The following LRRCC1 variants were observed in gnomAD, a reference collection of about 807,000 sequenced individuals.
The protein encoded by LRRCC1 is leucine-rich repeat and coiled-coil domain-containing protein 1.
Under a neutral mutation model 126.0 loss-of-function variants are expected in LRRCC1, and 115 were observed. The observed-to-expected ratio is 0.91, with a 90% CI of 0.78 to 1.07. The LOEUF (loss-of-function observed/expected upper bound fraction) is 1.07. Among genes scored for constraint, LRRCC1 ranks in the 50% least tolerant of loss-of-function variants. LRRCC1 has a pLI of 0.00. For missense variants in LRRCC1, 1,172 were observed against 1,175.7 expected, an observed-to-expected ratio of 1.00 and a Z score of 0.05; for synonymous variants, 400 against 393.4, an observed-to-expected ratio of 1.02 and a Z score of -0.20.
chr8:85,134,062 T>C (rs1262972973), intron 12 of LRRCC1, among the ~76,000 whole-genome samples: 1 of 152,174 alleles, frequency 6.6e-6, no homozygotes, highest in Non-Finnish European at 1.5e-5. Context: ...AGAACACTCC[T>C]TTCCCACACA....
chr8:85,137,564 T>C lies in LRRCC1; in HGVS notation c.2430T>C (p.Asp810=). The change falls in exon 15 of 19, where the codon GAT becomes GAC. Residue 810 remains aspartate, a synonymous_variant. Coordinates refer to ENST00000360375, the MANE Select transcript of LRRCC1 (RefSeq NM_033402.5). The stretch of plus-strand genomic sequence containing the variant: ...GAAAGACAAATGAAAGTGATAGTGA[T>C]GCATTAAGAATAAAGTGCAAAATCA... ...CLRKTNESDS[D]ALRIKCKIID... is the part of the protein sequence containing the mutation. The C allele has an allele frequency of 6.4e-7, 1 of 1,551,760 alleles. No individual in the cohort carries two copies. The highest frequency in any genetic ancestry group is 8.7e-7 in the Non-Finnish European group (1 of 1,153,704).
intron 10 of LRRCC1, 152 bp downstream of exon 10, chr8:85,129,531 T>G: frequency 1.5e-6 from 1 of 661,664 alleles, no homozygotes. Context: ...CATAGCCTGT[T>G]GAATTATGTC....
intron 9 of LRRCC1, among the ~76,000 whole-genome samples, chr8:85,127,482 C>T (rs1302180924): frequency 1.3e-5 from 2 of 152,108 alleles, no homozygotes; most frequent in Non-Finnish European, 2.9e-5. Flanking sequence ...GTTTCTTACC[C>T]TTGAATGAGC....
intron 14 of LRRCC1, among the ~76,000 whole-genome samples, chr8:85,136,400 G>C (rs1331845231): frequency 6.6e-6 from 1 of 151,532 alleles, no homozygotes; most frequent in Non-Finnish European, 1.5e-5. Flanking sequence ...TCAGCCTCCC[G>C]AGTAGCTGGG....
chr8:85,120,991 G>A (rs1809509826), intron 6 of LRRCC1, among the ~76,000 whole-genome samples: 2 of 152,170 alleles, frequency 1.3e-5, no homozygotes, highest in East Asian at 3.8e-4. Flanking sequence ...TGGGTCATAT[G>A]TTTAACCTTT....
chr8:85,116,011 C>T (rs1809096509), intron 6 of LRRCC1, among the ~76,000 whole-genome samples: 1 of 152,206 alleles, frequency 6.6e-6, no homozygotes, highest in Non-Finnish European at 1.5e-5. Context: ...GGTTAATTTA[C>T]ATAGTTCCTG....
At chr8:85,130,873 G>C (rs1000463449) in intron 11 of LRRCC1, among the ~76,000 whole-genome samples, 2 of 152,198 alleles carry the variant, frequency 1.3e-5, no homozygotes, top group Non-Finnish European at 2.9e-5. Flanking sequence ...GCATGGCTGT[G>C]TTCCAATAAA....
At chr8:85,128,444 ATGTT>A (rs1375856473) in intron 9 of LRRCC1, among the ~76,000 whole-genome samples, 8 of 28,518 alleles carry the variant, frequency 2.8e-4, no homozygotes, top group African/African-American at 1.5e-3. Flanking sequence ...CCACCACCAC[ATGTT>A]TGTTTGAGAT....
chr8:85,143,596 AC>A (rs1368661823), intron 18 of LRRCC1, among the ~76,000 whole-genome samples: 1 of 152,150 alleles, frequency 6.6e-6, no homozygotes, highest in Non-Finnish European at 1.5e-5. Context: ...CTGTGATCAT[AC>A]CACTGCACTG....
At chr8:85,110,424 G>A (rs534154991) in intron 3 of LRRCC1, among the ~76,000 whole-genome samples, 26 of 152,286 alleles carry the variant, frequency 1.7e-4, no homozygotes, top group African/African-American at 5.8e-4. Flanking sequence ...AAAGGATCCA[G>A]TTGAAGGGAA....
intron 11 of LRRCC1, 80 bp downstream of exon 11, chr8:85,130,138 T>C: frequency 2.9e-6 from 2 of 688,692 alleles, no homozygotes; most frequent in East Asian, 4.3e-5. Context: ...TACCAGTATT[T>C]TTTTTTTTTT....
chr8:85,115,219 G>T lies in LRRCC1; in HGVS notation c.664G>T (p.Gly222Cys), dbSNP rs765736049. ...INSSQLQCLE[G>C]LLDNLVSSDS... Reference sequence around the variant, plus strand: ...TTCATCACAGCTGCAGTGCCTAGAAGGTCTTTTGGATAATTTAGTTTCTTC... The same window carrying T: ...TTCATCACAGCTGCAGTGCCTAGAATGTCTTTTGGATAATTTAGTTTCTTC... The change falls in exon 5 of 19, where the codon GGT becomes TGT. Residue 222 changes from glycine (G) to cysteine (C), a missense_variant. Transcript: ENST00000360375. 9.9e-6 allele frequency: 16 copies of T among 1,612,442 alleles called. No homozygotes were observed. In the Middle Eastern group the frequency reaches 1.5e-3, roughly 150 times the overall value.
intron 11 of LRRCC1, among the ~76,000 whole-genome samples, chr8:85,131,502 G>A (rs1189176088): frequency 3.3e-5 from 5 of 152,154 alleles, no homozygotes; most frequent in Non-Finnish European, 7.4e-5. Context: ...AATTTCTGAA[G>A]CCATAGAATG....
intron 6 of LRRCC1, among the ~76,000 whole-genome samples, chr8:85,121,829 C>G (rs146383953): frequency 4.1e-3 from 627 of 152,278 alleles, no homozygotes; most frequent in Non-Finnish European, 7.5e-3. Flanking sequence ...AATACTGTAT[C>G]ACTTCAAGTA....
intron 4 of LRRCC1, 46 bp from the exon 5 acceptor site, chr8:85,115,054 C>A: frequency 7.0e-7 from 1 of 1,429,982 alleles, no homozygotes; most frequent in Non-Finnish European, 9.4e-7. Context: ...AAATAATTGA[C>A]TTTTTTTAAT....
chr8:85,128,219 T>C (rs920090471), intron 9 of LRRCC1, among the ~76,000 whole-genome samples: 6 of 152,172 alleles, frequency 3.9e-5, no homozygotes, highest in Admixed American at 3.3e-4. Context: ...TTTACTTTAT[T>C]CTGTATTCTA....
At position 85,115,419 on chromosome 8, in the gene LRRCC1, A is replaced by G. The variant is rs746707062; in HGVS notation, c.765A>G (p.Leu255=). 3 of 1,613,776 alleles carry G rather than the reference A, an allele frequency of 1.9e-6. No individual in the cohort carries two copies. Among genetic ancestry groups the G allele is most frequent in the Admixed American group, 3.3e-5 (2 of 60,004 alleles). ...TGATAACAGCACCTATCGATGAGTTAGTTCCCTTGGAACAGTTTGCAAGTA... is the reference window on the plus strand; with the variant it reads ...TGATAACAGCACCTATCGATGAGTTGGTTCCCTTGGAACAGTTTGCAAGTA... ...MPVITAPIDE[L]VPLEQFASTP... The change falls in exon 6 of 19, where the codon TTA becomes TTG. Residue 255 remains leucine (L), a synonymous_variant. Coordinates refer to ENST00000360375, the MANE Select transcript of LRRCC1 (RefSeq NM_033402.5).
At position 85,145,721 on chromosome 8, in the gene LRRCC1, A is replaced by G. The variant is rs1023030776; in HGVS notation, c.*210A>G. 6.5e-6 allele frequency: 2 copies of G among 309,942 alleles called. No individual in the cohort carries two copies. The highest frequency in any genetic ancestry group is 1.2e-5 in the Non-Finnish European group (2 of 170,090). 19.2% of individuals were successfully genotyped at this position (309,942 alleles called of 1,614,324 possible). A position where few individuals can be genotyped will look rare whatever the true frequency, so the allele number is the denominator to read the frequency against. On this transcript the variant is annotated 3_prime_UTR_variant, in exon 19 of 19. Transcript: ENST00000360375. ...TTGACAATTTTGTCTATTAGAAAAA[A>G]CTATCATAACTAGACTTACAATATT... is the stretch of plus-strand genomic sequence containing the variant.
At chr8:85,109,564 CTATTTT>C in intron 1 of LRRCC1, 25 bp from the exon 2 acceptor site, 1 of 1,292,418 alleles carries the variant, frequency 7.7e-7, no homozygotes, top group Non-Finnish European at 1.1e-6. Flanking sequence ...CTTTTAAAAT[CTATTTT>C]TATAGTATAT....
Sources: gnomAD v4.1 joint callset for allele counts (sites outside exome capture counted in the v4.1 genomes callset) on GRCh38, gnomAD v4.1.1 for gene constraint, MANE v1.5 for transcripts, NCBI Gene and HGNC (gene_info 2026-07-23, HGNC 2026-07-21) for gene names.